The following DPP10 variants were observed in gnomAD, a reference collection of about 807,000 sequenced individuals.
DPP10 encodes inactive dipeptidyl peptidase 10.
In DPP10, 33 loss-of-function variants were observed where a neutral mutation model predicts 120.9. That is an observed-to-expected ratio of 0.27 (90% CI 0.21 to 0.37). The LOEUF is 0.37. Among genes scored for constraint, DPP10 ranks in the 10% least tolerant of loss-of-function variants. DPP10 has a pLI of 1.00. For synonymous variants in DPP10, 337 were observed against 326.1 expected (o/e 1.03, Z -0.36); for missense variants, 816 against 942.8 (o/e 0.87, Z 1.76).
chr2:114,598,536 G>A (rs1443392740), intron 1 of DPP10, among the ~76,000 whole-genome samples: 1 of 151,804 alleles, frequency 6.6e-6, no homozygotes, highest in Non-Finnish European at 1.5e-5. Context: ...GAATAAGCTT[G>A]GGTTGGTATT....
At chr2:114,752,628 G>GTGC (rs1679345197) in intron 1 of DPP10, among the ~76,000 whole-genome samples, 2 of 152,116 alleles carry the variant, frequency 1.3e-5, no homozygotes, top group African/African-American at 4.8e-5. Flanking sequence ...GCTCACACTT[G>GTGC]TGCAGGCATC....
intron 1 of DPP10, among the ~76,000 whole-genome samples, chr2:114,878,252 C>A (rs1195074660): frequency 6.6e-6 from 1 of 151,976 alleles, no homozygotes; most frequent in Non-Finnish European, 1.5e-5. Context: ...TAGACACAAT[C>A]TAAAGATCCA....
chr2:115,093,063 A>C (rs1205212426), intron 1 of DPP10, among the ~76,000 whole-genome samples: 1 of 152,180 alleles, frequency 6.6e-6, no homozygotes, highest in African/African-American at 2.4e-5. Context: ...AGAAGATAGG[A>C]ACTAGGAAAT....
At chr2:115,396,226 C>G (rs843401) in intron 3 of DPP10, among the ~76,000 whole-genome samples, 2,657 of 152,126 alleles carry the variant, frequency 0.017, 81 homozygotes, top group African/African-American at 0.061. Context: ...TCAGTGTTCC[C>G]CCTGTGCCTT....
chr2:115,542,984 ATGT>A (rs2079264488), intron 5 of DPP10, among the ~76,000 whole-genome samples: 3 of 152,072 alleles, frequency 2.0e-5, no homozygotes, highest in African/African-American at 7.2e-5. Flanking sequence ...CATTTACGAA[ATGT>A]TGTGTCAGTG....
chr2:114,812,473 A>G (rs563083691), intron 1 of DPP10, among the ~76,000 whole-genome samples: 1 of 152,058 alleles, frequency 6.6e-6, no homozygotes, highest in East Asian at 1.9e-4. Context: ...CTGTCGTTCC[A>G]GCTACTCAGG....
At chr2:114,781,881 T>A (rs1203262629) in intron 1 of DPP10, among the ~76,000 whole-genome samples, 1 of 152,192 alleles carries the variant, frequency 6.6e-6, no homozygotes, top group African/African-American at 2.4e-5. Flanking sequence ...TCTCCTCACA[T>A]GCATCTTCTA....
chr2:115,211,238 AT>A (rs11457365), intron 1 of DPP10, among the ~76,000 whole-genome samples: 33 of 145,548 alleles, frequency 2.3e-4, no homozygotes, highest in Non-Finnish European at 2.9e-4. Flanking sequence ...GGTCTTACTG[AT>A]TTTTTTTTTT....
At chr2:114,695,742 T>C (rs1700032851) in intron 1 of DPP10, among the ~76,000 whole-genome samples, 1 of 152,094 alleles carries the variant, frequency 6.6e-6, no homozygotes, top group Non-Finnish European at 1.5e-5. Context: ...TCAAATTCCA[T>C]AATTGCACAG....
chr2:114,826,612 C>T (rs891148651), intron 1 of DPP10, among the ~76,000 whole-genome samples: 29 of 152,154 alleles, frequency 1.9e-4, no homozygotes, highest in Non-Finnish European at 2.9e-5. Context: ...CTCCCTGCAA[C>T]CTCCGCCTCC....
chr2:115,795,473 A>G (rs1684432446), intron 19 of DPP10, among the ~76,000 whole-genome samples: 1 of 152,094 alleles, frequency 6.6e-6, no homozygotes, highest in South Asian at 2.1e-4. Context: ...ATGGTCATCC[A>G]TCAAGTCTTA....
intron 4 of DPP10, among the ~76,000 whole-genome samples, chr2:115,525,577 A>G (rs2078080258): frequency 6.6e-6 from 1 of 152,080 alleles, no homozygotes. Flanking sequence ...GCAAATTATA[A>G]AAGCATTTTG....
intron 1 of DPP10, among the ~76,000 whole-genome samples, chr2:114,472,976 A>C (rs992416501): frequency 6.6e-6 from 1 of 152,204 alleles, no homozygotes; most frequent in African/African-American, 2.4e-5. Context: ...AGAGTGCCTC[A>C]TCACTGCCCT....
At chr2:115,137,813 G>C (rs906541391) in intron 1 of DPP10, among the ~76,000 whole-genome samples, 1 of 152,138 alleles carries the variant, frequency 6.6e-6, no homozygotes, top group South Asian at 2.1e-4. Flanking sequence ...TACCTTCTAG[G>C]TACACCTGTG....
chr2:115,046,419 A>G (rs1395169963), intron 1 of DPP10, among the ~76,000 whole-genome samples: 1 of 152,196 alleles, frequency 6.6e-6, no homozygotes, highest in African/African-American at 2.4e-5. Flanking sequence ...GGCATTTTTA[A>G]TAAGAAGCAT....
intron 1 of DPP10, among the ~76,000 whole-genome samples, chr2:114,857,774 G>A (rs1327692446): frequency 6.6e-6 from 1 of 152,122 alleles, no homozygotes; most frequent in Admixed American, 6.5e-5. Context: ...TGACTGAAAT[G>A]AGCCCATAAA....
intron 3 of DPP10, among the ~76,000 whole-genome samples, chr2:115,357,207 C>T (rs2064449248): frequency 6.6e-6 from 1 of 152,126 alleles, no homozygotes; most frequent in Non-Finnish European, 1.5e-5. Flanking sequence ...GGATAATGGT[C>T]CAAGTTCAGA....
chr2:114,767,513 A>G (rs1251106519), intron 1 of DPP10, among the ~76,000 whole-genome samples: 1 of 152,076 alleles, frequency 6.6e-6, no homozygotes, highest in African/African-American at 2.4e-5. Context: ...TGTTATAGAA[A>G]AAGTAGAACA....
At chr2:115,548,958 G>C (rs1170955439) in intron 5 of DPP10, among the ~76,000 whole-genome samples, 1 of 152,024 alleles carries the variant, frequency 6.6e-6, no homozygotes, top group Non-Finnish European at 1.5e-5. Context: ...ATCTAACAAA[G>C]CTTGAAGCCC....
Sources: allele counts gnomAD v4.1 joint callset (sites outside exome capture counted in the v4.1 genomes callset), GRCh38; gene constraint gnomAD v4.1.1; transcripts MANE v1.5; gene names NCBI Gene and HGNC (gene_info 2026-07-23, HGNC 2026-07-21).